The following MSLN variants were observed in gnomAD, a reference collection of about 807,000 sequenced individuals.
MSLN encodes the protein CAK1 antigen.
In MSLN, 82 loss-of-function variants were observed where a neutral mutation model predicts 72.6. The observed-to-expected ratio is 1.13, with a 90% CI of 0.94 to 1.36. The LOEUF (loss-of-function observed/expected upper bound fraction) is 1.36, where lower values mean the gene tolerates loss of function less well. Among genes scored for constraint, MSLN ranks in the 40% most tolerant of loss-of-function variants. The pLI is 0.00. For missense variants in MSLN, 1,005 were observed against 847.9 expected, an observed-to-expected ratio of 1.19 and a Z score of -2.30; for synonymous variants, 456 against 387.3, an observed-to-expected ratio of 1.18 and a Z score of -2.08.
Position 768,618 on chromosome 16 carries a change from G to C in MSLN, c.1784-30G>C, listed in dbSNP as rs770524016. ...GGGGCAGAGCTGGGGGCGTGGAGGT[G>C]GGCGCTCTGAGTCACCCCTCTCTCT... On this transcript the variant is annotated intron_variant, in intron 17 of 17. Coordinates refer to ENST00000545450, the MANE Select transcript of MSLN (RefSeq NM_005823.6). The C allele has an allele frequency of 6.2e-6, 10 of 1,611,406 alleles. No individual in the cohort carries two copies. In the East Asian group the frequency reaches 2.2e-4, roughly 36 times the overall value.
In MSLN at chr16:766,060, G is replaced by C. The variant is rs768873903; in HGVS notation, c.897G>C (p.Lys299Asn). The change falls in exon 12 of 18, where the codon AAG (lysine) becomes AAC (asparagine). Residue 299 changes from lysine to asparagine, a missense_variant and splice_region_variant. Coordinates refer to ENST00000545450, the MANE Select transcript of MSLN (RefSeq NM_005823.6). Reference protein sequence around the residue: ...LRPRFRREVEKTACPSGKKAR... With the variant: ...LRPRFRREVENTACPSGKKAR... ...ACCCCTGACCCCTGTGCCCTGCAGA[G>C]ACAGCCTGTCCTTCAGGCAAGAAGG... is the stretch of plus-strand genomic sequence containing the variant. The C allele has an allele frequency of 6.8e-6, 11 of 1,608,008 alleles. No individual in the cohort carries two copies. In the South Asian group the frequency reaches 7.7e-5, roughly 11 times the overall value.
intron 2 of MSLN, 80 bp from the exon 3 acceptor site, chr16:762,592 C>G (rs766599325): frequency 2.0e-4 from 212 of 1,071,466 alleles, no homozygotes; most frequent in Non-Finnish European, 2.8e-4. Context: ...CCTCCTGGGC[C>G]CATGTGGCCC....
At chr16:763,196 C>T (rs553472230) in intron 3 of MSLN, 37 bp from the exon 4 acceptor site, 30 of 1,425,106 alleles carry the variant, frequency 2.1e-5, no homozygotes, top group South Asian at 1.5e-4. Context: ...CCCAGAGGCC[C>T]GCCCCCTCCC....
chr16:768,800 T>A lies in MSLN; in HGVS notation c.*67T>A. On this transcript the variant is annotated 3_prime_UTR_variant, in exon 18 of 18. Transcript: ENST00000545450. ...CCGCCTGGCCAGGAGCAGGCACGGG[T>A]GGTCCCCGTTCCACCCCAAGAGAAC... 6.7e-7 allele frequency: 1 copy of A among 1,497,596 alleles called. No homozygotes were observed. The highest frequency in any genetic ancestry group is 1.7e-4 in the Middle Eastern group (1 of 5,838). 92.8% of individuals were successfully genotyped at this position (1,497,596 alleles called of 1,614,324 possible). A position where few individuals can be genotyped will look rare whatever the true frequency, so the allele number is the denominator to read the frequency against.
intron 8 of MSLN, 24 bp from the exon 9 acceptor site, chr16:765,086 G>A: frequency 6.2e-7 from 1 of 1,606,182 alleles, no homozygotes; most frequent in Non-Finnish European, 8.5e-7. Flanking sequence ...AGTTCCAAAA[G>A]CGCTGAGGCC....
Position 768,476 on chromosome 16 carries a change from G to C in MSLN, c.1694G>C (p.Arg565Pro), listed in dbSNP as rs371641206. The change falls in exon 17 of 18, where the codon CGG (arginine) becomes CCG (proline). Residue 565 changes from arginine to proline, a missense_variant. Coordinates refer to ENST00000545450, the MANE Select transcript of MSLN (RefSeq NM_005823.6). Reference protein sequence around the residue: ...RHRPVRDWILRQRQDDLDTLG... With the variant: ...RHRPVRDWILPQRQDDLDTLG... ...CGCCCGGTGCGGGACTGGATCCTAC[G>C]GCAGCGGCAGGACGACCTGGACACG... 2 of 1,570,874 alleles carry C rather than the reference G, an allele frequency of 1.3e-6. No homozygotes were observed. The highest frequency in any genetic ancestry group is 4.5e-5 in the East Asian group (2 of 44,360).
rs1289106622 is a variant in MSLN, at chr16:768,154, TGCAGTGGGGCGAGGCCTTAGGAAGG to T, written c.1597-220_1597-196del. Among the ~76,000 whole-genome samples the T allele has an allele frequency of 1.2e-4, 18 of 149,622 alleles. 1 individual carries two copies. The South Asian group carries it at 3.6e-3, about 30-fold the overall frequency. On this transcript the variant is annotated intron_variant, in intron 16 of 17. Transcript: ENST00000545450. The stretch of plus-strand genomic sequence containing the variant: ...GGTGGGAGGGCGTGTAAGGCGGGTC[TGCAGTGGGGCGAGGCCTTAGGAAGG>T]GCAGCATCTTCCCGTGTGGTGGGGC...
intron 6 of MSLN, among the ~76,000 whole-genome samples, chr16:764,410 T>C (rs1039361667): frequency 6.6e-6 from 1 of 152,204 alleles, no homozygotes; most frequent in Admixed American, 6.5e-5. Context: ...CTCCAGGCTC[T>C]GCCCCAAGGG....
intron 2 of MSLN, among the ~76,000 whole-genome samples, chr16:761,989 G>A (rs2041541858): frequency 6.6e-6 from 1 of 152,206 alleles, no homozygotes; most frequent in Admixed American, 6.5e-5. Flanking sequence ...TGTTCAGGGA[G>A]GGTCTCCCCA....
chr16:762,477 T>C (rs2041547830), intron 2 of MSLN, 195 bp from the exon 3 acceptor site: 2 of 569,328 alleles, frequency 3.5e-6, no homozygotes, highest in Non-Finnish European at 6.2e-6. Flanking sequence ...GCCCCTCCCC[T>C]GGACAGGAGG....
Position 767,480 on chromosome 16 carries a change from G to A in MSLN, c.1596+10G>A. ...GACGGATGCGGTGCTGGTATGGCGA[G>A]CGGGAGGAGGGGCGTGTGGAGGAGG... On this transcript the variant is annotated intron_variant, in intron 16 of 17. Coordinates refer to ENST00000545450, the MANE Select transcript of MSLN (RefSeq NM_005823.6). 6.3e-7 allele frequency: 1 copy of A among 1,575,898 alleles called. No homozygotes were observed. Among genetic ancestry groups the A allele is most frequent in the Non-Finnish European group, 8.6e-7 (1 of 1,166,608 alleles).
chr16:767,073 CG>C (rs2041625266), intron 15 of MSLN, 61 bp downstream of exon 15: 2 of 1,606,328 alleles, frequency 1.2e-6, no homozygotes, highest in East Asian at 4.5e-5. Flanking sequence ...AGACTCCACT[CG>C]GGGGTGCCAG....
chr16:767,033 C>T, intron 15 of MSLN, 21 bp downstream of exon 15: 2 of 1,604,428 alleles, frequency 1.2e-6, no homozygotes, highest in Admixed American at 1.7e-5. Flanking sequence ...GAGTCCCTGG[C>T]CAGGGTGGGC....
intron 4 of MSLN, 129 bp from the exon 5 acceptor site, chr16:763,513 G>A: frequency 1.0e-6 from 1 of 991,314 alleles, no homozygotes; most frequent in East Asian, 2.7e-5. Flanking sequence ...AAGCCCATGG[G>A]TCTGAGACAC....
In MSLN at chr16:765,796, T is replaced by G. The variant is rs1181996587; in HGVS notation, c.895+6T>G. 6.3e-7 allele frequency: 1 copy of G among 1,596,604 alleles called. No homozygotes were observed. Among genetic ancestry groups the G allele is most frequent in the Non-Finnish European group, 8.5e-7 (1 of 1,178,766 alleles). On this transcript the variant is annotated splice_donor_region_variant and intron_variant, in intron 11 of 17. Transcript: ENST00000545450. ...GTTCCGGCGGGAAGTGGAGAGTGAG[T>G]GCCGTGCCCTGCGCAGTCTGGCACC...
chr16:764,093 G>A lies in MSLN; in HGVS notation c.250G>A (p.Glu84Lys). The A allele has an allele frequency of 2.5e-6, 4 of 1,606,702 alleles. No homozygotes were observed. Among genetic ancestry groups the A allele is most frequent in the Non-Finnish European group, 3.4e-6 (4 of 1,179,820 alleles). Reference protein sequence around the residue: ...VSGLSTERVRELAVALAQKNV... With the variant: ...VSGLSTERVRKLAVALAQKNV... ...CGGCCTGAGCACGGAGCGTGTCCGGGAGCTGGCTGTGGCCTTGGCACAGAA... is the reference window on the plus strand; with the variant it reads ...CGGCCTGAGCACGGAGCGTGTCCGGAAGCTGGCTGTGGCCTTGGCACAGAA... The change falls in exon 6 of 18, where the codon GAG becomes AAG. Residue 84 changes from glutamate to lysine, a missense_variant. Physicochemically the swap from Glu to Lys is moderately conservative, Grantham distance 56. Coordinates refer to ENST00000545450, the MANE Select transcript of MSLN (RefSeq NM_005823.6).
At chr16:765,469 C>T (rs932668959) in intron 9 of MSLN, 58 bp from the exon 10 acceptor site, 1 of 1,520,666 alleles carries the variant, frequency 6.6e-7, no homozygotes, top group Non-Finnish European at 8.9e-7. Context: ...GGCCTGGCCT[C>T]TTCCCTCTCT....
In MSLN at chr16:764,214, C is replaced by T. The variant is rs546937230; in HGVS notation, c.300+71C>T. On this transcript the variant is annotated intron_variant, in intron 6 of 17. Transcript: ENST00000545450. Reference sequence around the variant, plus strand: ...GGAATTCACAGGCAGCTCTGCAGTGCCCACCTTGCCACCACGGTCCCCTCT... The same window carrying T: ...GGAATTCACAGGCAGCTCTGCAGTGTCCACCTTGCCACCACGGTCCCCTCT... 11 of 1,541,872 alleles carry T rather than the reference C, an allele frequency of 7.1e-6. No homozygotes were observed. The African/African-American group carries it at 1.1e-4, about 15-fold the overall frequency.
intron 2 of MSLN, among the ~76,000 whole-genome samples, chr16:761,745 G>A (rs868100817): frequency 6.6e-6 from 1 of 152,174 alleles, no homozygotes; most frequent in Non-Finnish European, 1.5e-5. Flanking sequence ...GTGCCTCCCC[G>A]CGACATTCCC....
Sources: allele counts gnomAD v4.1 joint callset (sites outside exome capture counted in the v4.1 genomes callset), GRCh38; gene constraint gnomAD v4.1.1; transcripts MANE v1.5; gene names NCBI Gene and HGNC (gene_info 2026-07-23, HGNC 2026-07-21).